SLC4A4: variants seen among roughly 807,000 people sequenced by gnomAD.
SLC4A4 encodes solute carrier family 4 member 4.
Under a neutral mutation model 111.5 loss-of-function variants are expected in SLC4A4, and 27 were observed. That is an observed-to-expected ratio of 0.24 (90% CI 0.18 to 0.33). The LOEUF (loss-of-function observed/expected upper bound fraction) is 0.33, where lower values mean the gene tolerates loss of function less well. Among genes scored for constraint, SLC4A4 ranks in the 10% least tolerant of loss-of-function variants. SLC4A4 has a pLI of 1.00. For missense variants in SLC4A4, 909 were observed against 1,315.5 expected, an observed-to-expected ratio of 0.69 and a Z score of 4.78; for synonymous variants, 443 against 463.4, an observed-to-expected ratio of 0.96 and a Z score of 0.57.
chr4:71,185,715 C>T (rs2148990329), upstream of SLC4A4, among the ~76,000 whole-genome samples: 1 of 152,262 alleles, frequency 6.6e-6, no homozygotes. Flanking sequence ...TGGATCTCTT[C>T]CAGTTTTGAA....
intron 1 of SLC4A4, among the ~76,000 whole-genome samples, chr4:71,067,129 G>GAA (rs34311719): frequency 1.2e-4 from 18 of 150,020 alleles, no homozygotes; most frequent in East Asian, 2.0e-4. Flanking sequence ...CACATGCAGA[G>GAA]AAAAAAAAAA....
intron 2 of SLC4A4, among the ~76,000 whole-genome samples, chr4:71,109,726 A>C (rs1743037215): frequency 6.6e-6 from 1 of 152,016 alleles, no homozygotes; most frequent in Non-Finnish European, 1.5e-5. Context: ...TATTTTTAAT[A>C]GAGATGGGTT....
Position 71,151,708 on chromosome 4 carries a change from C to T in SLC4A4, c.-2+58916C>T, listed in dbSNP as rs1054372222. Among the ~76,000 whole-genome samples the T allele has an allele frequency of 1.5e-4, 22 of 150,886 alleles. 3 individuals are homozygous for T. The highest frequency in any genetic ancestry group is 1.5e-3 in the Admixed American group (22 of 15,098). On this transcript the variant is annotated intron_variant, in intron 2 of 26. Coordinates refer to the SLC4A4 transcript ENST00000649996. The stretch of plus-strand genomic sequence containing the variant: ...CTGAGGCGGGAGGATCACTTGACCC[C>T]GGGAGTTCAAGGCTAGCTTGGGCAA...
At chr4:71,510,500 T>C (rs1269634102) in intron 16 of SLC4A4, among the ~76,000 whole-genome samples, 5 of 152,230 alleles carry the variant, frequency 3.3e-5, no homozygotes, top group Non-Finnish European at 5.9e-5. Flanking sequence ...ATGATGACTT[T>C]CTTTGTCTTG....
intron 7 of SLC4A4, among the ~76,000 whole-genome samples, chr4:71,399,613 T>G (rs1446556263): frequency 6.6e-6 from 1 of 151,768 alleles, no homozygotes; most frequent in Non-Finnish European, 1.5e-5. Context: ...TTCAATATAC[T>G]TTTTACATAG....
At chr4:71,513,629 T>C (rs750646487) in intron 16 of SLC4A4, among the ~76,000 whole-genome samples, 4 of 152,172 alleles carry the variant, frequency 2.6e-5, no homozygotes, top group Admixed American at 6.5e-5. Flanking sequence ...TTCTTTCTCT[T>C]ACCTGGTTGC....
chr4:71,570,373 G>C lies in SLC4A4; in HGVS notation c.*2622G>C, dbSNP rs1378771071. On this transcript the variant is annotated 3_prime_UTR_variant, in exon 26 of 26. Transcript: ENST00000264485. The stretch of plus-strand genomic sequence containing the variant: ...ATATCAAATCCTTTCAATATTCTGG[G>C]AACCCAGGGAAGTTTTTAAAAATGT... 1 of 152,136 alleles carries C rather than the reference G, an allele frequency of 6.6e-6. No individual in the cohort carries two copies. Among genetic ancestry groups the C allele is most frequent in the East Asian group, 1.9e-4 (1 of 5,148 alleles). The allele number at this position is 152,136 out of a possible 1,614,324, so 9.4% of individuals were successfully genotyped here.
chr4:71,147,289 C>G (rs1283447216), intron 2 of SLC4A4, among the ~76,000 whole-genome samples: 3 of 151,874 alleles, frequency 2.0e-5, no homozygotes, highest in African/African-American at 7.3e-5. Context: ...CTTTATTTTT[C>G]TTCCTTCTCC....
chr4:71,355,049 TG>T (rs1218459536), intron 5 of SLC4A4, among the ~76,000 whole-genome samples: 1 of 152,240 alleles, frequency 6.6e-6, no homozygotes, highest in African/African-American at 2.4e-5. Flanking sequence ...CCTATAATGT[TG>T]GCCGTTTTAA....
intron 7 of SLC4A4, among the ~76,000 whole-genome samples, chr4:71,424,727 A>C (rs1722934788): frequency 6.6e-6 from 1 of 152,142 alleles, no homozygotes; most frequent in African/African-American, 2.4e-5. Context: ...CATTCTCAGT[A>C]AACTATCGCA....
chr4:71,176,156 C>T (rs577400622), intron 2 of SLC4A4, among the ~76,000 whole-genome samples: 3 of 152,218 alleles, frequency 2.0e-5, no homozygotes, highest in African/African-American at 2.4e-5. Context: ...ACAGAAAGGA[C>T]ATCCACACCA....
rs185252177 is a variant in SLC4A4 at position 71,101,352 on chromosome 4, C to A, written c.-2+8560C>A. On this transcript the variant is annotated intron_variant, in intron 2 of 26. Coordinates refer to the SLC4A4 transcript ENST00000649996. ...TACTACCCAAAGCAATTTACAGATT[C>A]AATGCTGTACCTATCAAACTACATT... 4.6e-5 allele frequency among the ~76,000 whole-genome samples: 7 copies of A among 152,252 alleles called. No individual in the cohort carries two copies. The East Asian group carries it at 1.2e-3, about 25-fold the overall frequency.
chr4:71,486,425 T>G (rs1729410729), intron 14 of SLC4A4, among the ~76,000 whole-genome samples: 1 of 151,464 alleles, frequency 6.6e-6, no homozygotes, highest in Admixed American at 6.6e-5. Flanking sequence ...AATGTTCATC[T>G]CCATTATATT....
At position 71,349,947 on chromosome 4, in the gene SLC4A4, G is replaced by C; in HGVS notation, c.425G>C (p.Gly142Ala). ...TTTGAAGAAAAAGTGGAACAGGGTG[G>C]GGAAAGATGGAGCAAGCCCCATGTG... ...IKFEEKVEQG[G>A]ERWSKPHVAT... is the part of the protein sequence containing the mutation. Residue 142 changes from glycine to alanine, a missense_variant, in exon 5 of 26, where the codon GGG becomes GCG. Gly to Ala is a moderately conservative substitution (Grantham distance 60). This residue lies in a region of SLC4A4 where 4 missense variants were observed against 25.7 expected (regional missense o/e 0.16). Transcript: ENST00000264485. The C allele has an allele frequency of 6.2e-7, 1 of 1,614,062 alleles. No homozygotes were observed. Among genetic ancestry groups the C allele is most frequent in the Non-Finnish European group, 8.5e-7 (1 of 1,179,974 alleles).
At chr4:71,331,495 A>G (rs1727987590) in intron 3 of SLC4A4, among the ~76,000 whole-genome samples, 1 of 148,196 alleles carries the variant, frequency 6.7e-6, no homozygotes, top group East Asian at 2.0e-4. Flanking sequence ...AAAACCAAAC[A>G]CCACATGTTC....
At chr4:71,308,600 C>T (rs1465434165) in intron 3 of SLC4A4, among the ~76,000 whole-genome samples, 5 of 152,164 alleles carry the variant, frequency 3.3e-5, no homozygotes, top group Admixed American at 2.0e-4. Flanking sequence ...GGGTTGTCGC[C>T]TCACCCAGGA....
chr4:71,129,784 CAAAAAAAAA>C (rs35737857), intron 2 of SLC4A4, among the ~76,000 whole-genome samples: 71 of 75,582 alleles, frequency 9.4e-4, no homozygotes, highest in African/African-American at 3.4e-3. Flanking sequence ...TACCATGCAC[CAAAAAAAAA>C]AAAAAAAAAA....
intron 6 of SLC4A4, among the ~76,000 whole-genome samples, chr4:71,382,939 C>T (rs143663353): frequency 1.0e-3 from 152 of 152,276 alleles, no homozygotes; most frequent in African/African-American, 3.5e-3. Flanking sequence ...ATTTCTTTCT[C>T]ATTCTTTGCT....
chr4:71,364,615 G>A (rs1288790781), intron 6 of SLC4A4, among the ~76,000 whole-genome samples: 4 of 152,274 alleles, frequency 2.6e-5, no homozygotes, highest in Middle Eastern at 3.4e-3. Flanking sequence ...CCTTTCAGGA[G>A]AGCAGGAATC....
Sources: gnomAD v4.1 joint callset for allele counts (sites outside exome capture counted in the v4.1 genomes callset) on GRCh38, gnomAD v4.1.1 for gene constraint, gnomAD v4.1.1 regional missense constraint, MANE v1.5 for transcripts, NCBI Gene and HGNC (gene_info 2026-07-23, HGNC 2026-07-21) for gene names.